Variants in AIG1 observed in about 807,000 individuals in gnomAD.
AIG1 encodes the protein androgen induced 1, also known as androgen-induced gene 1 protein.
AIG1 carries 23 observed loss-of-function variants against 31.4 expected under a neutral mutation model. The ratio of observed to expected loss-of-function variants is 0.73; its 90% confidence interval spans 0.53 to 1.04. The LOEUF (loss-of-function observed/expected upper bound fraction) is 1.04. Among genes scored for constraint, AIG1 ranks in the 50% least tolerant of loss-of-function variants. The pLI is 0.00. For synonymous variants in AIG1, 100 were observed against 110.5 expected, an observed-to-expected ratio of 0.90 and a Z score of 0.60; for missense variants, 274 against 295.0, an observed-to-expected ratio of 0.93 and a Z score of 0.52.
chr6:143,140,180 T>C (rs1184774888), intron 2 of AIG1, among the ~76,000 whole-genome samples: 1 of 152,164 alleles, frequency 6.6e-6, no homozygotes, highest in Non-Finnish European at 1.5e-5. Context: ...ACTTATTCAC[T>C]ATCACGAGAA....
At chr6:143,104,710 A>T (rs911048012) in intron 1 of AIG1, among the ~76,000 whole-genome samples, 1 of 152,042 alleles carries the variant, frequency 6.6e-6, no homozygotes, top group Non-Finnish European at 1.5e-5. Context: ...GACCTGCCTG[A>T]GCAACACAGA....
chr6:143,342,834 A>C (rs913094016), downstream of AIG1: 3 of 808,260 alleles, frequency 3.7e-6, no homozygotes, highest in African/African-American at 1.7e-5. Context: ...GATATTTCAA[A>C]TCTAATCCAG....
intron 3 of AIG1, among the ~76,000 whole-genome samples, chr6:143,236,118 T>A (rs7769247): frequency 0.04 from 6,059 of 152,314 alleles, 289 homozygotes; most frequent in African/African-American, 0.11. Flanking sequence ...ATGTGAGGTT[T>A]TATTTGACCA....
In AIG1 at chr6:143,268,741, T is replaced by C. The variant is rs898075371; in HGVS notation, c.400-15369T>C. On this transcript the variant is annotated intron_variant, in intron 3 of 5. Transcript: ENST00000357847. This position sits in a 1 kb window ranked among gnomAD's most constrained non-coding sequence, Gnocchi z 5.0. The stretch of plus-strand genomic sequence containing the variant: ...AATCAGAGGTTCAGACTAGCTGTAT[T>C]ACTTGGTGTAGTGTTAACCATGTTT... Among the ~76,000 whole-genome samples the C allele has an allele frequency of 3.9e-5, 6 of 152,238 alleles. No homozygotes were observed. Among genetic ancestry groups the C allele is most frequent in the African/African-American group, 1.4e-4 (6 of 41,468 alleles).
chr6:143,071,374 T>C (rs554573530), intron 1 of AIG1, among the ~76,000 whole-genome samples: 2 of 152,374 alleles, frequency 1.3e-5, no homozygotes, highest in South Asian at 4.1e-4. Context: ...TTGGCTATTA[T>C]AAATAAAGCT....
chr6:143,316,521 A>G (rs145086356), intron 4 of AIG1, among the ~76,000 whole-genome samples: 2 of 152,114 alleles, frequency 1.3e-5, no homozygotes, highest in South Asian at 4.1e-4. Context: ...AGGAAAGTTC[A>G]TAGTATTAAA....
chr6:143,184,962 C>T (rs1431265012), intron 3 of AIG1, among the ~76,000 whole-genome samples: 1 of 152,102 alleles, frequency 6.6e-6, no homozygotes, highest in Non-Finnish European at 1.5e-5. Flanking sequence ...CTTTGGGAGG[C>T]CGAGGTGGGC....
In AIG1 at chr6:143,339,915, A is replaced by AT. The variant is rs1562608999; in HGVS notation, c.*245dup. The AT allele has an allele frequency of 8.5e-6, 3 of 352,010 alleles. No homozygotes were observed. The highest frequency in any genetic ancestry group is 4.8e-5 in the Admixed American group (1 of 21,046). The allele number at this position is 352,010 out of a possible 1,614,324, so 21.8% of individuals were successfully genotyped here. On this transcript the variant is annotated 3_prime_UTR_variant, in exon 6 of 6. Coordinates refer to ENST00000357847, the MANE Select transcript of AIG1 (RefSeq NM_016108.4). ...TCCCAAAGTCATTACTGATAATAACATTTTTTCCTTTTCTAGTTTTAAAAC... is the reference window on the plus strand; with the variant it reads ...TCCCAAAGTCATTACTGATAATAACATTTTTTTCCTTTTCTAGTTTTAAAAC...
chr6:143,264,388 T>G (rs1489947247), intron 3 of AIG1, among the ~76,000 whole-genome samples: 1 of 152,148 alleles, frequency 6.6e-6, no homozygotes, highest in Non-Finnish European at 1.5e-5. Flanking sequence ...TTATGAGATG[T>G]TCTCAGCAGG....
chr6:143,189,046 A>G, intron 3 of AIG1: 7 of 972,962 alleles, frequency 7.2e-6, no homozygotes, highest in Non-Finnish European at 8.5e-6. Context: ...AACTTTTTTT[A>G]TTTTTTGGAG....
chr6:143,192,083 A>C (rs909615074), intron 3 of AIG1, among the ~76,000 whole-genome samples: 5 of 152,230 alleles, frequency 3.3e-5, no homozygotes, highest in African/African-American at 1.2e-4. Flanking sequence ...TCAATTGTTT[A>C]ATTGCTTTAA....
chr6:143,340,521 C>T lies in AIG1; in HGVS notation c.*845C>T, dbSNP rs911694896. 6.6e-6 allele frequency among the ~76,000 whole-genome samples: 1 copy of T among 151,912 alleles called. No homozygotes were observed. Among genetic ancestry groups the T allele is most frequent in the African/African-American group, 2.4e-5 (1 of 41,314 alleles). On this transcript the variant is annotated 3_prime_UTR_variant, in exon 6 of 6. Coordinates refer to ENST00000357847, the MANE Select transcript of AIG1 (RefSeq NM_016108.4). ...TGTCGCCCAGGCTGGAGTACAGTGGCGTGATCTCAGCTCACGGCAAGCTCC... is the reference window on the plus strand; with the variant it reads ...TGTCGCCCAGGCTGGAGTACAGTGGTGTGATCTCAGCTCACGGCAAGCTCC...
At chr6:143,061,220 C>A (rs1776225835) in intron 1 of AIG1, 154 bp downstream of exon 1, 2 of 929,188 alleles carry the variant, frequency 2.2e-6, no homozygotes, top group Non-Finnish European at 1.7e-6. Flanking sequence ...CCAGTGATTG[C>A]GTGTGAAGGC....
intron 4 of AIG1, among the ~76,000 whole-genome samples, chr6:143,320,900 C>T (rs563811910): frequency 1.5e-4 from 22 of 151,268 alleles, no homozygotes; most frequent in Admixed American, 7.2e-4. Context: ...TGGCTCACCG[C>T]GACTTCTGTC....
rs186381175 is a variant in AIG1 at position 143,129,444 on chromosome 6, G to A, written c.142-7391G>A. On this transcript the variant is annotated intron_variant, in intron 1 of 5. Coordinates refer to ENST00000357847, the MANE Select transcript of AIG1 (RefSeq NM_016108.4). ...AGTCCCAAGTAGGGGAGAACCAGTA[G>A]GGAGGTCTACAAAGAGTGACAGGTA... 4.2e-3 allele frequency among the ~76,000 whole-genome samples: 637 copies of A among 152,312 alleles called. 4 individuals are homozygous for A. The highest frequency in any genetic ancestry group is 6.9e-3 in the Non-Finnish European group (469 of 68,020).
chr6:143,343,124 G>A (rs529094570), downstream of AIG1: 32 of 763,186 alleles, frequency 4.2e-5, no homozygotes, highest in African/African-American at 4.6e-4. Context: ...ATCCCAGAAG[G>A]GAGGCTTGCC....
At chr6:143,134,859 C>G (rs145438116) in intron 1 of AIG1, among the ~76,000 whole-genome samples, 2 of 152,032 alleles carry the variant, frequency 1.3e-5, no homozygotes, top group Admixed American at 1.3e-4. Context: ...GATGATTTCT[C>G]CCAACTGCAG....
chr6:143,198,904 GA>G (rs1409546711), intron 3 of AIG1, among the ~76,000 whole-genome samples: 2 of 152,176 alleles, frequency 1.3e-5, no homozygotes, highest in African/African-American at 4.8e-5. Context: ...GGAGAAAAGA[GA>G]GATTGTGGGA....
At chr6:143,111,992 G>A (rs1047999414) in intron 1 of AIG1, among the ~76,000 whole-genome samples, 2 of 152,048 alleles carry the variant, frequency 1.3e-5, no homozygotes, top group Non-Finnish European at 2.9e-5. Context: ...TCTCATATCT[G>A]CTTTCAAGAT....
Sources: allele counts gnomAD v4.1 joint callset (sites outside exome capture counted in the v4.1 genomes callset), GRCh38; gene constraint gnomAD v4.1.1; non-coding constraint Gnocchi (gnomAD v3.1); transcripts MANE v1.5; gene names NCBI Gene and HGNC (gene_info 2026-07-23, HGNC 2026-07-21).